The following NAALAD2 variants were observed in gnomAD, a reference collection of about 807,000 sequenced individuals.
The protein encoded by NAALAD2 is N-acetylated alpha-linked acidic dipeptidase 2, also known as N-acetylated-alpha-linked acidic dipeptidase 2.
NAALAD2 carries 89 observed loss-of-function variants against 95.6 expected under a neutral mutation model. The observed-to-expected ratio is 0.93, with a 90% CI of 0.78 to 1.11. NAALAD2 has a LOEUF of 1.11. NAALAD2 is among the 50% of genes least tolerant of loss of function. The pLI, the probability that NAALAD2 is intolerant of heterozygous loss-of-function variation, is 0.00. For synonymous variants in NAALAD2, 264 were observed against 294.4 expected, an observed-to-expected ratio of 0.90 and a Z score of 1.06; for missense variants, 894 against 872.4, an observed-to-expected ratio of 1.02 and a Z score of -0.31.
chr11:90,186,027 T>A (rs979937938), intron 18 of NAALAD2, among the ~76,000 whole-genome samples: 6 of 152,152 alleles, frequency 3.9e-5, no homozygotes, highest in Non-Finnish European at 8.8e-5. Flanking sequence ...TCTTTTTTTT[T>A]TAAATTTATT....
chr11:90,163,629 A>C lies in NAALAD2; in HGVS notation c.1278+12A>C. On this transcript the variant is annotated intron_variant, in intron 11 of 18. Coordinates refer to ENST00000534061, the MANE Select transcript of NAALAD2 (RefSeq NM_005467.4). ...CAGAATGGGCTGAGGTAAATAAGAC[A>C]AAGAAGGTTCTTATTATTTTTTTGG... 3 of 1,612,410 alleles carry C rather than the reference A, an allele frequency of 1.9e-6. No homozygotes were observed. The highest frequency in any genetic ancestry group is 2.5e-6 in the Non-Finnish European group (3 of 1,178,468).
Position 90,191,738 on chromosome 11 carries a change from A to G in NAALAD2, c.2214A>G (p.Glu738=). 6.3e-7 allele frequency: 1 copy of G among 1,575,164 alleles called. No individual in the cohort carries two copies. Among genetic ancestry groups the G allele is most frequent in the South Asian group, 1.2e-5 (1 of 82,286 alleles). The change falls in exon 19 of 19, where the codon GAA becomes GAG. Residue 738 remains glutamate, a synonymous_variant. Transcript: ENST00000534061. ...AAGCAGCAGCAGGAACTCTGAAAGAAGTATTATAGAAGGTCTCAAGTGGCT... is the reference window on the plus strand; with the variant it reads ...AAGCAGCAGCAGGAACTCTGAAAGAGGTATTATAGAAGGTCTCAAGTGGCT... ...TIQAAAGTLK[E]VL
At chr11:90,182,535 T>C (rs982873847) in intron 17 of NAALAD2, among the ~76,000 whole-genome samples, 37 of 152,278 alleles carry the variant, frequency 2.4e-4, no homozygotes, top group African/African-American at 8.7e-4. Flanking sequence ...TTGTCCAGCC[T>C]GTTATCTGCT....
intron 18 of NAALAD2, among the ~76,000 whole-genome samples, chr11:90,188,679 G>A (rs1857232748): frequency 6.6e-6 from 1 of 152,172 alleles, no homozygotes; most frequent in African/African-American, 2.4e-5. Flanking sequence ...CGAATTTGGG[G>A]AATGAACACA....
chr11:90,176,358 ACT>A (rs1952794281), intron 15 of NAALAD2, among the ~76,000 whole-genome samples: 1 of 151,868 alleles, frequency 6.6e-6, no homozygotes, highest in African/African-American at 2.4e-5. Context: ...TTGTCAGAAA[ACT>A]CTCATTCTCT....
chr11:90,145,791 T>C (rs1951737756), intron 2 of NAALAD2, among the ~76,000 whole-genome samples: 3 of 152,084 alleles, frequency 2.0e-5, no homozygotes, highest in Non-Finnish European at 2.9e-5. Context: ...GGCTAAAAGG[T>C]ATTAAAGATC....
Position 90,147,473 on chromosome 11 carries a change from C to A in NAALAD2, c.338C>A (p.Thr113Lys). 1 of 1,613,098 alleles carries A rather than the reference C, an allele frequency of 6.2e-7. No individual in the cohort carries two copies. Among genetic ancestry groups the A allele is most frequent in the Non-Finnish European group, 8.5e-7 (1 of 1,179,492 alleles). Residue 113 changes from threonine (T) to lysine (K), a missense_variant, in exon 3 of 19, where the codon ACA becomes AAA. Transcript: ENST00000534061. The part of the protein sequence containing the change: ...YDVLLSYPNE[T>K]NANYISIVDE... ...GTCCTCTTATCTTACCCCAATGAGA[C>A]AAATGCCAACTATATATCGATTGTG...
chr11:90,183,899 C>T (rs529655140), intron 18 of NAALAD2, among the ~76,000 whole-genome samples: 81 of 152,234 alleles, frequency 5.3e-4, no homozygotes, highest in African/African-American at 1.4e-3. Context: ...CTTTAAGTCA[C>T]GAAGCCTCTG....
intron 18 of NAALAD2, among the ~76,000 whole-genome samples, chr11:90,187,117 A>G (rs1295910905): frequency 2.0e-5 from 3 of 152,030 alleles, no homozygotes; most frequent in Non-Finnish European, 2.9e-5. Flanking sequence ...CAAAACCACA[A>G]TGAGATACCA....
At chr11:90,188,216 A>G (rs1432784252) in intron 18 of NAALAD2, among the ~76,000 whole-genome samples, 3 of 152,202 alleles carry the variant, frequency 2.0e-5, no homozygotes, top group Admixed American at 6.5e-5. Context: ...TTTAGGCTGA[A>G]CTTAAAATAT....
intron 16 of NAALAD2, among the ~76,000 whole-genome samples, chr11:90,180,898 T>C (rs917034826): frequency 5.3e-5 from 8 of 152,122 alleles, no homozygotes; most frequent in Admixed American, 5.2e-4. Context: ...TGAAGTTATA[T>C]ATAGGCATTG....
At chr11:90,161,465 T>A (rs1476311686) in intron 8 of NAALAD2, among the ~76,000 whole-genome samples, 1 of 152,178 alleles carries the variant, frequency 6.6e-6, no homozygotes, top group African/African-American at 2.4e-5. Flanking sequence ...GCATTTCCTA[T>A]GCCCCGGGAA....
intron 4 of NAALAD2, among the ~76,000 whole-genome samples, chr11:90,149,478 A>G (rs1951833074): frequency 6.6e-6 from 1 of 152,126 alleles, no homozygotes; most frequent in Non-Finnish European, 1.5e-5. Flanking sequence ...CTTGTCACCC[A>G]GGCTGGAGTG....
In NAALAD2 at chr11:90,150,371, A is replaced by G. The variant is rs531277523; in HGVS notation, c.484-111A>G. 31 of 591,604 alleles carry G rather than the reference A, an allele frequency of 5.2e-5. No homozygotes were observed. In the South Asian group the frequency reaches 1.4e-3, roughly 27 times the overall value. The allele number at this position is 591,604 out of a possible 1,614,324, so 36.6% of individuals were successfully genotyped here. A position where few individuals can be genotyped will look rare whatever the true frequency, so the allele number is the denominator to read the frequency against. On this transcript the variant is annotated intron_variant, in intron 4 of 18. Coordinates refer to ENST00000534061, the MANE Select transcript of NAALAD2 (RefSeq NM_005467.4). ...CTGTGGGTCTGTTTATTACTCCCCAAATAAAGAAAGGAAACACTTTTGATG... is the reference window on the plus strand; with the variant it reads ...CTGTGGGTCTGTTTATTACTCCCCAGATAAAGAAAGGAAACACTTTTGATG...
At chr11:90,136,280 T>A (rs535001781) in intron 2 of NAALAD2, among the ~76,000 whole-genome samples, 46 of 152,310 alleles carry the variant, frequency 3.0e-4, no homozygotes, top group African/African-American at 9.4e-4. Context: ...GTGTTATTTT[T>A]TAAAATCAGC....
upstream of NAALAD2, chr11:90,134,517 C>A (rs1048829761): frequency 1.5e-5 from 8 of 520,748 alleles, no homozygotes; most frequent in African/African-American, 1.5e-4. Flanking sequence ...ACTGCGGGAT[C>A]CACAGAATGG....
intron 11 of NAALAD2, chr11:90,164,043 C>A: frequency 4.0e-6 from 1 of 250,080 alleles, no homozygotes; most frequent in Non-Finnish European, 7.5e-6. Context: ...TTAAGATGGC[C>A]ATATATTGAC....
At chr11:90,186,533 T>C (rs1452574626) in intron 18 of NAALAD2, among the ~76,000 whole-genome samples, 3 of 151,564 alleles carry the variant, frequency 2.0e-5, no homozygotes, top group South Asian at 4.1e-4. Flanking sequence ...GTCCTTTGGG[T>C]ATATACCCAG....
At chr11:90,162,874 A>G in intron 8 of NAALAD2, 75 bp from the exon 9 acceptor site, 2 of 829,756 alleles carry the variant, frequency 2.4e-6, no homozygotes, top group Non-Finnish European at 3.9e-6. Flanking sequence ...TATTATGAAA[A>G]TAGTTTTTTA....
Sources: allele counts gnomAD v4.1 joint callset (sites outside exome capture counted in the v4.1 genomes callset), GRCh38; gene constraint gnomAD v4.1.1; transcripts MANE v1.5; gene names NCBI Gene and HGNC (gene_info 2026-07-23, HGNC 2026-07-21).